The following STPG2 variants were observed in gnomAD, a reference collection of about 807,000 sequenced individuals.
STPG2 encodes the protein sperm-tail PG-rich repeat-containing protein 2.
In STPG2, 56 loss-of-function variants were observed where a neutral mutation model predicts 54.2. That is an observed-to-expected ratio of 1.03 (90% CI 0.83 to 1.29). The LOEUF is 1.29. STPG2 is among the 50% of genes most tolerant of loss of function. STPG2 has a pLI of 0.00. For missense variants in STPG2, 596 were observed against 544.9 expected (o/e 1.09, Z -0.93); for synonymous variants, 200 against 181.8 (o/e 1.10, Z -0.81).
At chr4:97,929,199 G>C (rs1168931422) in intron 8 of STPG2, among the ~76,000 whole-genome samples, 4 of 152,136 alleles carry the variant, frequency 2.6e-5, no homozygotes, top group African/African-American at 9.7e-5. Context: ...TTCCCACAAA[G>C]GCAGGATCTC....
chr4:98,097,878 C>A (rs1263528555), intron 5 of STPG2, among the ~76,000 whole-genome samples: 4 of 152,026 alleles, frequency 2.6e-5, no homozygotes. Flanking sequence ...ACAATAGCCA[C>A]AGATAAAATT....
chr4:98,031,086 G>A (rs1736581705), intron 5 of STPG2, among the ~76,000 whole-genome samples: 1 of 152,052 alleles, frequency 6.6e-6, no homozygotes, highest in African/African-American at 2.4e-5. Flanking sequence ...ACAGAATAGA[G>A]AACCCAGAAA....
chr4:97,525,095 A>G (rs1197264688), intron 4 of STPG2, among the ~76,000 whole-genome samples: 1 of 151,950 alleles, frequency 6.6e-6, no homozygotes, highest in Non-Finnish European at 1.5e-5. Flanking sequence ...GTTATTTATA[A>G]AAGAATGAAC....
chr4:98,100,267 T>C (rs2110134974), intron 5 of STPG2, among the ~76,000 whole-genome samples: 1 of 152,306 alleles, frequency 6.6e-6, no homozygotes, highest in South Asian at 2.1e-4. Context: ...CACTTCACTA[T>C]ATGTTTTAAA....
At chr4:97,627,922 C>T (rs1734176681) in intron 10 of STPG2, among the ~76,000 whole-genome samples, 1 of 152,080 alleles carries the variant, frequency 6.6e-6, no homozygotes, top group African/African-American at 2.4e-5. Flanking sequence ...CTCAAGCATT[C>T]AGGCAGACAG....
intron 4 of STPG2, among the ~76,000 whole-genome samples, chr4:97,495,733 A>C (rs1730598479): frequency 6.7e-6 from 1 of 150,234 alleles, no homozygotes. Context: ...AAAACACAGA[A>C]CTACAAAGTA....
chr4:97,949,890 T>A (rs941556601), intron 7 of STPG2, among the ~76,000 whole-genome samples: 3 of 152,004 alleles, frequency 2.0e-5, no homozygotes, highest in Non-Finnish European at 4.4e-5. Flanking sequence ...TTTTGTTTTG[T>A]TTTTTGTTTT....
intron 7 of STPG2, among the ~76,000 whole-genome samples, chr4:97,968,820 C>A (rs560368609): frequency 6.6e-6 from 1 of 152,312 alleles, no homozygotes; most frequent in South Asian, 2.1e-4. Context: ...TACAAAATTG[C>A]ATGCAGGATT....
chr4:97,526,153 C>A (rs1030894653), intron 4 of STPG2, among the ~76,000 whole-genome samples: 1 of 151,924 alleles, frequency 6.6e-6, no homozygotes, highest in African/African-American at 2.4e-5. Context: ...TTTGCAGGGT[C>A]CTTCAAAGTT....
chr4:97,509,722 C>T (rs1211918376), intron 4 of STPG2, among the ~76,000 whole-genome samples: 7 of 151,890 alleles, frequency 4.6e-5, no homozygotes, highest in Non-Finnish European at 8.8e-5. Flanking sequence ...CTATTTTTGC[C>T]ACACTTCAAA....
chr4:98,105,720 C>T (rs367734097), intron 5 of STPG2, among the ~76,000 whole-genome samples: 1 of 152,110 alleles, frequency 6.6e-6, no homozygotes, highest in African/African-American at 2.4e-5. Flanking sequence ...ATTTTTCTTG[C>T]ATTTAAATCA....
At chr4:97,669,725 A>G in intron 10 of STPG2, among the ~76,000 whole-genome samples, 1 of 34,028 alleles carries the variant, frequency 2.9e-5, no homozygotes, top group Non-Finnish European at 5.5e-5. Context: ...GAACCCGGGA[A>G]GCGGAGCTTG....
chr4:97,720,199 G>A (rs1000716943), intron 9 of STPG2, among the ~76,000 whole-genome samples: 1 of 151,788 alleles, frequency 6.6e-6, no homozygotes, highest in Non-Finnish European at 1.5e-5. Flanking sequence ...ATAGCCATGT[G>A]ACCTTGATTA....
At chr4:97,932,461 C>A (rs773107376) in intron 8 of STPG2, among the ~76,000 whole-genome samples, 2 of 152,122 alleles carry the variant, frequency 1.3e-5, no homozygotes, top group Non-Finnish European at 2.9e-5. Flanking sequence ...CCTATCTACT[C>A]ATCAACTAGG....
intron 4 of STPG2, 46 bp downstream of exon 4, chr4:98,109,147 T>G: frequency 8.5e-7 from 1 of 1,180,498 alleles, no homozygotes; most frequent in Middle Eastern, 2.7e-4. Flanking sequence ...AAAATACTTT[T>G]CTAGTCAAGA....
intron 7 of STPG2, among the ~76,000 whole-genome samples, chr4:97,957,254 C>T (rs75618182): frequency 3.5e-5 from 5 of 142,936 alleles, no homozygotes; most frequent in Non-Finnish European, 6.2e-5. Context: ...CTTCAGTAAA[C>T]AATGGACACA....
At chr4:97,743,249 G>A (rs1440284275) in intron 9 of STPG2, among the ~76,000 whole-genome samples, 1 of 151,640 alleles carries the variant, frequency 6.6e-6, no homozygotes, top group Non-Finnish European at 1.5e-5. Context: ...CAATAGGTTA[G>A]TTTATTATTC....
intron 9 of STPG2, among the ~76,000 whole-genome samples, chr4:97,732,922 A>C (rs1272230975): frequency 6.6e-6 from 1 of 152,164 alleles, no homozygotes; most frequent in Non-Finnish European, 1.5e-5. Context: ...ATTATTAAAA[A>C]GTAACAAAAA....
chr4:97,808,799 T>G (rs1727650834), intron 9 of STPG2, among the ~76,000 whole-genome samples: 1 of 150,118 alleles, frequency 6.7e-6, no homozygotes, highest in Non-Finnish European at 1.5e-5. Flanking sequence ...CAAAGAAAGT[T>G]TATATAGCTT....
Sources: allele counts gnomAD v4.1 joint callset (sites outside exome capture counted in the v4.1 genomes callset), GRCh38; gene constraint gnomAD v4.1.1; transcripts MANE v1.5; gene names NCBI Gene and HGNC (gene_info 2026-07-23, HGNC 2026-07-21).